CCNT2: variants seen among roughly 807,000 people sequenced by gnomAD.
The protein encoded by CCNT2 is cyclin-T2.
Under a neutral mutation model 70.0 loss-of-function variants are expected in CCNT2, and 18 were observed. That is an observed-to-expected ratio of 0.26 (90% confidence interval 0.18 to 0.38). The LOEUF (loss-of-function observed/expected upper bound fraction) is 0.38, where lower values mean the gene tolerates loss of function less well. Among genes scored for constraint, CCNT2 ranks in the 10% least tolerant of loss-of-function variants. The pLI, the probability that CCNT2 is intolerant of heterozygous loss-of-function variation, is 1.00. For synonymous variants in CCNT2, 334 were observed against 313.3 expected (o/e 1.07, Z -0.70); for missense variants, 734 against 890.2 (o/e 0.82, Z 2.23).
chr2:134,947,989 A>G (rs1338404621), intron 7 of CCNT2, 90 bp downstream of exon 7: 2 of 624,478 alleles, frequency 3.2e-6, no homozygotes, highest in Non-Finnish European at 2.5e-6. Flanking sequence ...ACACTATCAG[A>G]TGAACAGAAT....
chr2:134,954,067 T>C lies in CCNT2; in HGVS notation c.1612T>C (p.Ser538Pro). ...KVSSSERHSS[S>P]DEGSGKSKHS... Reference sequence around the variant, plus strand: ...TTCTTCTTCAGAAAGACACAGCTCTTCTGATGAAGGCAGTGGGAAGAGCAA... The same window carrying C: ...TTCTTCTTCAGAAAGACACAGCTCTCCTGATGAAGGCAGTGGGAAGAGCAA... The change falls in exon 9 of 9, where the codon TCT becomes CCT. Residue 538 changes from serine (S) to proline (P), a missense_variant. By Grantham distance (74) the Ser-to-Pro change is moderately conservative. Around this residue, in one of 3 missense-constraint regions of CCNT2, gnomAD observed 532 missense variants for 556.9 expected, o/e 0.96. Coordinates refer to ENST00000264157, the MANE Select transcript of CCNT2 (RefSeq NM_058241.3). 1 of 1,614,088 alleles carries C rather than the reference T, an allele frequency of 6.2e-7. No individual in the cohort carries two copies. The highest frequency in any genetic ancestry group is 8.5e-7 in the Non-Finnish European group (1 of 1,179,986).
chr2:134,937,085 A>G (rs1488363133), intron 3 of CCNT2, 116 bp downstream of exon 3: 3 of 631,882 alleles, frequency 4.7e-6, no homozygotes, highest in Admixed American at 3.2e-5. Flanking sequence ...TGCTTGTTTT[A>G]TTACCTCTTA....
chr2:134,955,160 A>G lies in CCNT2; in HGVS notation c.*512A>G, dbSNP rs919247101. On this transcript the variant is annotated 3_prime_UTR_variant, in exon 9 of 9. Coordinates refer to ENST00000264157, the MANE Select transcript of CCNT2 (RefSeq NM_058241.3). The stretch of plus-strand genomic sequence containing the variant: ...TTTTTGTATGTTTAGATATTACCGT[A>G]AATACTCAGGATTGGAGCTGCTTGT... 1 of 155,342 alleles carries G rather than the reference A, an allele frequency of 6.4e-6. No individual in the cohort carries two copies. The highest frequency in any genetic ancestry group is 1.4e-5 in the Non-Finnish European group (1 of 69,666). 9.6% of individuals were successfully genotyped at this position (155,342 alleles called of 1,614,324 possible). A position where few individuals can be genotyped will look rare whatever the true frequency, so the allele number is the denominator to read the frequency against.
intron 2 of CCNT2, among the ~76,000 whole-genome samples, chr2:134,922,891 C>T (rs1448274094): frequency 6.6e-6 from 1 of 152,154 alleles, no homozygotes; most frequent in Non-Finnish European, 1.5e-5. Context: ...CATAGCACAT[C>T]TCCAATTTAT....
rs1176395147 is a variant in CCNT2, at chr2:134,956,104, G to T, written c.*1456G>T. 1 of 152,594 alleles carries T rather than the reference G, an allele frequency of 6.6e-6. No homozygotes were observed. Among genetic ancestry groups the T allele is most frequent in the Non-Finnish European group, 1.5e-5 (1 of 67,996 alleles). 9.5% of individuals were successfully genotyped at this position (152,594 alleles called of 1,614,324 possible). On this transcript the variant is annotated 3_prime_UTR_variant, in exon 9 of 9. Coordinates refer to ENST00000264157, the MANE Select transcript of CCNT2 (RefSeq NM_058241.3). ...TATTCTGTGGTAAATCTTTTGAGTT[G>T]TTGAGTATATTTGAGATTGATTGGA...
intron 7 of CCNT2, among the ~76,000 whole-genome samples, chr2:134,951,131 T>C (rs1682470579): frequency 6.6e-6 from 1 of 152,066 alleles, no homozygotes; most frequent in African/African-American, 2.4e-5. Context: ...CATGAGACTT[T>C]AGCAGGGACT....
chr2:134,919,555 C>T (rs1333984210), intron 1 of CCNT2, among the ~76,000 whole-genome samples: 1 of 152,042 alleles, frequency 6.6e-6, no homozygotes, highest in East Asian at 1.9e-4. Flanking sequence ...TTAGTCGTAG[C>T]CATTGATAAA....
Position 134,932,467 on chromosome 2 carries a change from T to C in CCNT2, c.241-4374T>C, listed in dbSNP as rs536113589. Reference sequence around the variant, plus strand: ...CTTAATCAGTACTGCTTTTCAGCAATATTGAATACTGATATTTTGGGGCCG... The same window carrying C: ...CTTAATCAGTACTGCTTTTCAGCAACATTGAATACTGATATTTTGGGGCCG... On this transcript the variant is annotated intron_variant, in intron 2 of 8. Coordinates refer to ENST00000264157, the MANE Select transcript of CCNT2 (RefSeq NM_058241.3). Among the ~76,000 whole-genome samples, 25 of 152,352 alleles carry C rather than the reference T, an allele frequency of 1.6e-4. No homozygotes were observed. In the South Asian group the frequency reaches 1.9e-3, roughly 11 times the overall value.
At chr2:134,926,783 A>G (rs1680332020) in intron 2 of CCNT2, among the ~76,000 whole-genome samples, 1 of 152,160 alleles carries the variant, frequency 6.6e-6, no homozygotes, top group Admixed American at 6.5e-5. Context: ...ATGGCTTGTC[A>G]TGTGATTTGG....
chr2:134,919,616 T>C (rs184372301), intron 1 of CCNT2, among the ~76,000 whole-genome samples, 194 bp from the exon 2 acceptor site: 1 of 152,314 alleles, frequency 6.6e-6, no homozygotes, highest in East Asian at 1.9e-4. Flanking sequence ...GCAGTTCTTA[T>C]TCCCATTTAT....
At chr2:134,936,754 C>CA (rs879463855) in intron 2 of CCNT2, 87 bp from the exon 3 acceptor site, 44,272 of 1,005,728 alleles carry the variant, frequency 0.044, no homozygotes, top group East Asian at 0.054. Context: ...AACTCCACCT[C>CA]AAAAAAAAAA....
chr2:134,919,039 A>T (rs764005491), intron 1 of CCNT2, 27 bp downstream of exon 1: 1 of 1,575,928 alleles, frequency 6.3e-7, no homozygotes, highest in Non-Finnish European at 8.6e-7. Flanking sequence ...GCCGCCGCTC[A>T]CGCCCTGTTT....
intron 7 of CCNT2, among the ~76,000 whole-genome samples, chr2:134,952,146 G>A (rs1329497588): frequency 3.9e-5 from 6 of 152,180 alleles, no homozygotes; most frequent in South Asian, 2.1e-4. Context: ...CATGACAACC[G>A]TGATCACTTG....
rs1162429439 is a variant in CCNT2 at position 134,954,098 on chromosome 2, C to A, written c.1643C>A (p.Ser548Ter). The A allele has an allele frequency of 6.2e-7, 1 of 1,614,136 alleles. No homozygotes were observed. The highest frequency in any genetic ancestry group is 8.5e-7 in the Non-Finnish European group (1 of 1,180,014). The change falls in exon 9 of 9, where the codon TCA (serine) becomes TAA (stop). Residue 548 changes from serine to a stop codon, truncating the protein, a stop_gained. Transcript: ENST00000264157. LOFTEE classifies it high-confidence loss of function. The part of the protein sequence containing the change: ...SDEGSGKSKH[S>*]SPHISRDHKE... ...GAAGGCAGTGGGAAGAGCAAACATTCAAGCCCACATATTAGCAGAGACCAT... is the reference window on the plus strand; with the variant it reads ...GAAGGCAGTGGGAAGAGCAAACATTAAAGCCCACATATTAGCAGAGACCAT...
chr2:134,943,645 T>C, intron 5 of CCNT2: 1 of 981,738 alleles, frequency 1.0e-6, no homozygotes, highest in Non-Finnish European at 1.2e-6. Context: ...TCTGGTAGTA[T>C]CTGATACAGC....
chr2:134,945,282 GT>G, intron 5 of CCNT2: 1 of 985,406 alleles, frequency 1.0e-6, no homozygotes, highest in Middle Eastern at 5.2e-4. Flanking sequence ...CTGATCCTAG[GT>G]GAGCAGAGGG....
chr2:134,949,951 C>T (rs755784867), intron 7 of CCNT2, among the ~76,000 whole-genome samples: 4 of 152,016 alleles, frequency 2.6e-5, no homozygotes, highest in Admixed American at 6.5e-5. Context: ...CCTGCCACCA[C>T]GCCTGGCTAA....
At chr2:134,925,004 T>A (rs1462843447) in intron 2 of CCNT2, among the ~76,000 whole-genome samples, 1 of 152,226 alleles carries the variant, frequency 6.6e-6, no homozygotes, top group African/African-American at 2.4e-5. Flanking sequence ...TGTTCCTTTT[T>A]TCTTGCATTC....
At position 134,957,976 on chromosome 2, in the gene CCNT2, A is replaced by G. The variant is rs188858589; in HGVS notation, c.*3328A>G. ...ACTTGAGGGCTATTTCAGAGAACCA[A>G]TATGAAATGTTTTTGTTAGTACAAA... On this transcript the variant is annotated 3_prime_UTR_variant, in exon 9 of 9. Coordinates refer to ENST00000264157, the MANE Select transcript of CCNT2 (RefSeq NM_058241.3). 1.3e-5 allele frequency: 2 copies of G among 152,338 alleles called. No homozygotes were observed. The highest frequency in any genetic ancestry group is 1.3e-4 in the Admixed American group (2 of 15,308). 9.4% of individuals were successfully genotyped at this position (152,338 alleles called of 1,614,324 possible). A position where few individuals can be genotyped will look rare whatever the true frequency, so the allele number is the denominator to read the frequency against.
Sources: gnomAD v4.1 joint callset for allele counts (sites outside exome capture counted in the v4.1 genomes callset) on GRCh38, gnomAD v4.1.1 for gene constraint, gnomAD v4.1.1 regional missense constraint, MANE v1.5 for transcripts, NCBI Gene and HGNC (gene_info 2026-07-23, HGNC 2026-07-21) for gene names.